Variants in LMO7 observed in about 807,000 individuals in gnomAD.
LMO7 encodes the protein LIM domain only protein 7.
In LMO7, 120 loss-of-function variants were observed where a neutral mutation model predicts 206.5. The observed-to-expected ratio is 0.58, with a 90% CI of 0.50 to 0.68. The LOEUF (loss-of-function observed/expected upper bound fraction) is 0.68. LMO7 is among the 30% of genes least tolerant of loss of function. LMO7 has a pLI of 0.00. For missense variants in LMO7, 1,959 were observed against 1,957.9 expected, an observed-to-expected ratio of 1.00 and a Z score of -0.01; for synonymous variants, 706 against 681.5, an observed-to-expected ratio of 1.04 and a Z score of -0.56.
chr13:75,645,282 A>C (rs1298036423), intron 1 of LMO7, among the ~76,000 whole-genome samples: 2 of 152,156 alleles, frequency 1.3e-5, no homozygotes, highest in African/African-American at 2.4e-5. Context: ...ACCCTGATAA[A>C]ATTTTTTTGC....
intron 6 of LMO7, among the ~76,000 whole-genome samples, chr13:75,797,740 A>G (rs1570555): frequency 0.18 from 27,611 of 152,144 alleles, 3,160 homozygotes; most frequent in East Asian, 0.31. Flanking sequence ...AGCCACATGT[A>G]TTATAGCAAG....
chr13:75,834,410 T>C, intron 17 of LMO7, 23 bp downstream of exon 17: 1 of 1,533,830 alleles, frequency 6.5e-7, no homozygotes, highest in South Asian at 1.3e-5. Flanking sequence ...TACCACCATG[T>C]CTGGCATTTG....
chr13:75,821,616 A>C lies in LMO7; in HGVS notation c.2640+7A>C. On this transcript the variant is annotated splice_region_variant and intron_variant, in intron 14 of 30. Transcript: ENST00000377534. Reference sequence around the variant, plus strand: ...ACTCCCCAGATCTTACACGGTAAAAAATGTTCTCGGTTCATTTAGTCTGTT... The same window carrying C: ...ACTCCCCAGATCTTACACGGTAAAACATGTTCTCGGTTCATTTAGTCTGTT... 6.2e-7 allele frequency: 1 copy of C among 1,603,852 alleles called. No individual in the cohort carries two copies. Among genetic ancestry groups the C allele is most frequent in the Non-Finnish European group, 8.5e-7 (1 of 1,173,714 alleles).
chr13:75,642,233 C>T (rs766930432), intron 1 of LMO7, among the ~76,000 whole-genome samples: 2 of 152,122 alleles, frequency 1.3e-5, no homozygotes, highest in African/African-American at 2.4e-5. Context: ...ATTCTTCCAA[C>T]GTACTGATGC....
At chr13:75,717,293 G>T (rs1206898367) in intron 2 of LMO7, among the ~76,000 whole-genome samples, 1 of 150,996 alleles carries the variant, frequency 6.6e-6, no homozygotes, top group African/African-American at 2.4e-5. Context: ...AACCTGGGAG[G>T]CGGAGCTTGC....
intron 20 of LMO7, chr13:75,839,591 A>G (rs1266749849): frequency 6.5e-6 from 1 of 153,410 alleles, no homozygotes; most frequent in Non-Finnish European, 1.5e-5. Flanking sequence ...TTTCTTGAAC[A>G]TGTTTGTTGT....
intron 1 of LMO7, among the ~76,000 whole-genome samples, chr13:75,661,237 A>G (rs1354212247): frequency 6.6e-6 from 1 of 152,170 alleles, no homozygotes; most frequent in Non-Finnish European, 1.5e-5. Flanking sequence ...TTTCCATCGT[A>G]CTGTGTATAT....
intron 4 of LMO7, among the ~76,000 whole-genome samples, chr13:75,767,749 C>T (rs2049085763): frequency 6.6e-6 from 1 of 152,028 alleles, no homozygotes; most frequent in Non-Finnish European, 1.5e-5. Flanking sequence ...GATGTGTATC[C>T]GTGGTTGTGA....
intron 3 of LMO7, chr13:75,760,358 T>C: frequency 9.9e-7 from 1 of 1,007,564 alleles, no homozygotes; most frequent in Non-Finnish European, 1.2e-6. Flanking sequence ...GAACACTAGG[T>C]TTCTCCTCAG....
intron 1 of LMO7, among the ~76,000 whole-genome samples, chr13:75,676,746 C>A (rs1461187619): frequency 6.6e-6 from 1 of 152,134 alleles, no homozygotes; most frequent in African/African-American, 2.4e-5. Context: ...AGGAGTGCTA[C>A]GTAAATAAGT....
rs1331005267 is a variant in LMO7, at chr13:75,760,323, A to G, written c.211-609A>G. 4 of 990,014 alleles carry G rather than the reference A, an allele frequency of 4.0e-6. No individual in the cohort carries two copies. The East Asian group carries it at 4.4e-4, about 108-fold the overall frequency. The allele number at this position is 990,014 out of a possible 1,614,324, so 61.3% of individuals were successfully genotyped here. A position where few individuals can be genotyped will look rare whatever the true frequency, so the allele number is the denominator to read the frequency against. ...AGGTGCAGGGAGTGAGTAATGTGCC[A>G]CACAAACTATGCAATTTAGCCAATG... On this transcript the variant is annotated intron_variant, in intron 3 of 30. Coordinates refer to ENST00000377534, the MANE Select transcript of LMO7 (RefSeq NM_001306080.2).
chr13:75,649,101 A>G (rs2037318807), intron 1 of LMO7, among the ~76,000 whole-genome samples: 1 of 152,202 alleles, frequency 6.6e-6, no homozygotes, highest in Non-Finnish European at 1.5e-5. Flanking sequence ...TGTGGGCAGG[A>G]CAGTGAAGCT....
intron 28 of LMO7, among the ~76,000 whole-genome samples, chr13:75,854,708 C>T (rs975022788): frequency 4.6e-5 from 7 of 152,124 alleles, no homozygotes; most frequent in African/African-American, 1.7e-4. Flanking sequence ...CCTGCAGAGA[C>T]AATCCTGTAA....
intron 4 of LMO7, among the ~76,000 whole-genome samples, chr13:75,781,995 T>G (rs1232200993): frequency 2.0e-5 from 3 of 152,200 alleles, no homozygotes; most frequent in African/African-American, 7.2e-5. Context: ...TCTTGTAAAT[T>G]TGTTTGAGTT....
chr13:75,737,789 A>AAT lies in LMO7; in HGVS notation c.210+10692_210+10693insTA, dbSNP rs1555305771. Among the ~76,000 whole-genome samples, 2 of 129,852 alleles carry AAT rather than the reference A, an allele frequency of 1.5e-5. 1 individual carries two copies. Among genetic ancestry groups the AAT allele is most frequent in the Non-Finnish European group, 3.2e-5 (2 of 62,184 alleles). The allele number at this position is 129,852 out of a possible 152,430, so 85.2% of individuals were successfully genotyped here. A position where few individuals can be genotyped will look rare whatever the true frequency, so the allele number is the denominator to read the frequency against. On this transcript the variant is annotated intron_variant, in intron 3 of 30. Transcript: ENST00000377534. Reference sequence around the variant, plus strand: ...AAATAAAATAAAATAAAATAAAAAAAAAAAAAAAAAAACTTTTTACTTTGA... The same window carrying AAT: ...AAATAAAATAAAATAAAATAAAAAAAATAAAAAAAAAAAACTTTTTACTTTGA...
At chr13:75,810,137 T>G (rs2056160051) in intron 11 of LMO7, among the ~76,000 whole-genome samples, 1 of 152,172 alleles carries the variant, frequency 6.6e-6, no homozygotes, top group South Asian at 2.1e-4. Context: ...AGTAAATCAT[T>G]TATTCATTCT....
intron 11 of LMO7, among the ~76,000 whole-genome samples, chr13:75,810,165 G>A (rs1405016927): frequency 2.0e-5 from 3 of 152,034 alleles, no homozygotes; most frequent in African/African-American, 4.8e-5. Context: ...AAATCACAAG[G>A]TGGCTATATC....
At chr13:75,732,688 G>T (rs888356849) in intron 3 of LMO7, among the ~76,000 whole-genome samples, 1 of 152,202 alleles carries the variant, frequency 6.6e-6, no homozygotes, top group African/African-American at 2.4e-5. Context: ...TTCTTTGGAG[G>T]AGGAGAGGCG....
chr13:75,644,000 A>G (rs1237883138), intron 1 of LMO7, among the ~76,000 whole-genome samples: 1 of 152,202 alleles, frequency 6.6e-6, no homozygotes, highest in Non-Finnish European at 1.5e-5. Context: ...AAATTTTTGT[A>G]TGGATTCAGA....
Sources: allele counts gnomAD v4.1 joint callset (sites outside exome capture counted in the v4.1 genomes callset), GRCh38; gene constraint gnomAD v4.1.1; transcripts MANE v1.5; gene names NCBI Gene and HGNC (gene_info 2026-07-23, HGNC 2026-07-21).